ARHGAP15: variants seen among roughly 807,000 people sequenced by gnomAD.
ARHGAP15 encodes the protein Rho GTPase activating protein 15.
ARHGAP15 carries 51 observed loss-of-function variants against 63.7 expected under a neutral mutation model. The observed-to-expected ratio is 0.80, with a 90% CI of 0.64 to 1.01. The LOEUF (loss-of-function observed/expected upper bound fraction) is 1.01. Among genes scored for constraint, ARHGAP15 ranks in the 50% least tolerant of loss-of-function variants. ARHGAP15 has a pLI of 0.00. For synonymous variants in ARHGAP15, 191 were observed against 193.8 expected (o/e 0.99, Z 0.12); for missense variants, 560 against 564.6 (o/e 0.99, Z 0.08).
chr2:143,313,949 G>A (rs1574257911), intron 6 of ARHGAP15, among the ~76,000 whole-genome samples: 1 of 116,778 alleles, frequency 8.6e-6, no homozygotes, highest in Non-Finnish European at 1.7e-5. Flanking sequence ...GGTGGATGAG[G>A]AGAGGGCTTT....
intron 13 of ARHGAP15, among the ~76,000 whole-genome samples, chr2:143,752,287 A>G (rs1261412540): frequency 2.0e-5 from 3 of 152,196 alleles, no homozygotes; most frequent in Non-Finnish European, 4.4e-5. Context: ...CTATAATCAC[A>G]TACAACTTTT....
At chr2:143,331,938 T>C (rs566328116) in intron 6 of ARHGAP15, among the ~76,000 whole-genome samples, 1 of 152,318 alleles carries the variant, frequency 6.6e-6, no homozygotes, top group Admixed American at 6.5e-5. Flanking sequence ...AGAACTGTTT[T>C]ACAAAGCATA....
chr2:143,135,387 A>G (rs116053641), intron 1 of ARHGAP15, among the ~76,000 whole-genome samples: 2,138 of 152,310 alleles, frequency 0.014, 51 homozygotes, highest in African/African-American at 0.048. Flanking sequence ...AATTCCATTC[A>G]ACTCCATAAA....
At chr2:143,604,092 A>C (rs1697887431) in intron 11 of ARHGAP15, among the ~76,000 whole-genome samples, 1 of 152,202 alleles carries the variant, frequency 6.6e-6, no homozygotes, top group African/African-American at 2.4e-5. Context: ...TAGTGGTTGC[A>C]TTGCTTATAA....
At chr2:143,588,668 C>T (rs981001468) in intron 11 of ARHGAP15, among the ~76,000 whole-genome samples, 9 of 152,148 alleles carry the variant, frequency 5.9e-5, no homozygotes, top group Non-Finnish European at 1.2e-4. Context: ...GATCTCATTC[C>T]TTTTTGCGGC....
At chr2:143,202,065 T>G (rs966953085) in intron 2 of ARHGAP15, 69 bp from the exon 3 acceptor site, 2 of 1,169,978 alleles carry the variant, frequency 1.7e-6, no homozygotes, top group Admixed American at 1.7e-5. Flanking sequence ...TTGGTTATTT[T>G]ATGTGTATTC....
chr2:143,567,248 G>T (rs1248116293), intron 11 of ARHGAP15, among the ~76,000 whole-genome samples: 1 of 151,948 alleles, frequency 6.6e-6, no homozygotes, highest in African/African-American at 2.4e-5. Context: ...TCCCTGTCTT[G>T]GTCTCCTCAG....
chr2:143,348,799 T>C (rs1055303528), intron 6 of ARHGAP15, among the ~76,000 whole-genome samples: 1 of 152,198 alleles, frequency 6.6e-6, no homozygotes, highest in African/African-American at 2.4e-5. Context: ...CCACTACCTG[T>C]CATTTCAATA....
At chr2:143,306,803 C>T (rs545758708) in intron 6 of ARHGAP15, among the ~76,000 whole-genome samples, 1 of 152,222 alleles carries the variant, frequency 6.6e-6, no homozygotes, top group South Asian at 2.1e-4. Context: ...CCCCAAATCC[C>T]ACCAACTTTC....
intron 12 of ARHGAP15, among the ~76,000 whole-genome samples, chr2:143,671,337 G>A (rs1039702284): frequency 2.0e-5 from 3 of 152,046 alleles, no homozygotes; most frequent in Admixed American, 2.0e-4. Flanking sequence ...CTGCCTGGAA[G>A]AGTAGCTCCT....
intron 6 of ARHGAP15, among the ~76,000 whole-genome samples, chr2:143,375,607 C>T (rs1010604786): frequency 1.3e-5 from 2 of 152,154 alleles, no homozygotes; most frequent in Non-Finnish European, 2.9e-5. Context: ...ACATGGCCTC[C>T]CTGGGAGCTC....
intron 13 of ARHGAP15, among the ~76,000 whole-genome samples, chr2:143,736,058 G>A (rs1301181368): frequency 6.6e-6 from 1 of 152,130 alleles, no homozygotes; most frequent in Non-Finnish European, 1.5e-5. Flanking sequence ...TGGGCACTGG[G>A]ACTACAAGAA....
intron 4 of ARHGAP15, 132 bp downstream of exon 4, chr2:143,216,577 T>C: frequency 3.3e-6 from 2 of 609,116 alleles, no homozygotes; most frequent in South Asian, 4.5e-5. Flanking sequence ...GCTACTGCTA[T>C]GATCAACATT....
intron 12 of ARHGAP15, among the ~76,000 whole-genome samples, chr2:143,668,970 A>T (rs1682377315): frequency 6.6e-6 from 1 of 152,238 alleles, no homozygotes; most frequent in African/African-American, 2.4e-5. Context: ...TCTCTATAAA[A>T]GAATCAGAAT....
chr2:143,638,590 AT>A (rs1680447616), intron 12 of ARHGAP15, among the ~76,000 whole-genome samples: 1 of 150,176 alleles, frequency 6.7e-6, no homozygotes, highest in Non-Finnish European at 1.5e-5. Context: ...AGCATGGCAC[AT>A]GTATACATAT....
intron 6 of ARHGAP15, among the ~76,000 whole-genome samples, chr2:143,414,723 C>T (rs1169750705): frequency 2.0e-5 from 3 of 152,172 alleles, no homozygotes; most frequent in Admixed American, 2.0e-4. Flanking sequence ...CACTTGAGGT[C>T]AGGAGTTTGA....
intron 13 of ARHGAP15, among the ~76,000 whole-genome samples, chr2:143,759,357 G>A (rs1031291588): frequency 6.6e-6 from 1 of 152,100 alleles, no homozygotes; most frequent in Non-Finnish European, 1.5e-5. Context: ...AGGTAATGAT[G>A]AAGTGATATA....
chr2:143,244,021 T>C (rs937224155), intron 5 of ARHGAP15, among the ~76,000 whole-genome samples: 15 of 152,328 alleles, frequency 9.8e-5, no homozygotes, highest in South Asian at 4.1e-4. Context: ...TTACTTAAAG[T>C]TGGTATAAAA....
intron 10 of ARHGAP15, among the ~76,000 whole-genome samples, chr2:143,530,295 A>G (rs1000224759): frequency 2.0e-5 from 3 of 152,134 alleles, no homozygotes; most frequent in African/African-American, 7.2e-5. Context: ...GTAGACCAGT[A>G]TGACATACCA....
Sources: gnomAD v4.1 joint callset for allele counts (sites outside exome capture counted in the v4.1 genomes callset) on GRCh38, gnomAD v4.1.1 for gene constraint, MANE v1.5 for transcripts, NCBI Gene and HGNC (gene_info 2026-07-23, HGNC 2026-07-21) for gene names.